PRDM5: variants seen among roughly 807,000 people sequenced by gnomAD.
PRDM5 encodes PR/SET domain 5, also known as PR domain zinc finger protein 5.
Under a neutral mutation model 81.2 loss-of-function variants are expected in PRDM5, and 56 were observed. That is an observed-to-expected ratio of 0.69 (90% CI 0.56 to 0.86). The LOEUF (loss-of-function observed/expected upper bound fraction) is 0.86. PRDM5 is among the 40% of genes least tolerant of loss of function. The pLI is 0.00. For missense variants in PRDM5, 697 were observed against 770.1 expected, an observed-to-expected ratio of 0.91 and a Z score of 1.12; for synonymous variants, 267 against 256.4, an observed-to-expected ratio of 1.04 and a Z score of -0.39.
intron 2 of PRDM5, among the ~76,000 whole-genome samples, chr4:120,860,855 T>C (rs75872214): frequency 6.6e-6 from 1 of 152,080 alleles, no homozygotes; most frequent in East Asian, 1.9e-4. Flanking sequence ...GGCCAGCATG[T>C]CTTCTGACAG....
intron 14 of PRDM5, among the ~76,000 whole-genome samples, chr4:120,750,860 G>GA (rs1743903485): frequency 6.6e-6 from 1 of 151,820 alleles, no homozygotes; most frequent in Admixed American, 6.6e-5. Context: ...AAATACCAAA[G>GA]AAAGAATTTA....
intron 13 of PRDM5, among the ~76,000 whole-genome samples, chr4:120,768,661 C>G (rs1746766639): frequency 6.6e-6 from 1 of 152,170 alleles, no homozygotes; most frequent in African/African-American, 2.4e-5. Context: ...TATTCCAGCT[C>G]CAATAGCACA....
chr4:120,716,186 GATTA>G (rs554976982), intron 14 of PRDM5, among the ~76,000 whole-genome samples: 96 of 152,242 alleles, frequency 6.3e-4, no homozygotes, highest in African/African-American at 2.1e-3. Flanking sequence ...TGCTATTGCT[GATTA>G]ATTTAATATA....
intron 5 of PRDM5, 100 bp downstream of exon 5, chr4:120,818,253 C>T (rs182184514): frequency 2.1e-5 from 25 of 1,204,400 alleles, no homozygotes; most frequent in African/African-American, 3.0e-5. Flanking sequence ...CGCGTGCGCG[C>T]GTGCACACAC....
intron 4 of PRDM5, among the ~76,000 whole-genome samples, chr4:120,820,883 C>T (rs1755165336): frequency 6.6e-6 from 1 of 152,192 alleles, no homozygotes; most frequent in South Asian, 2.1e-4. Flanking sequence ...CTACTCATTA[C>T]CCCAATGCGC....
rs1470307200 is a variant in PRDM5 at position 120,692,599 on chromosome 4, G to A, written c.*2512C>T. 1 of 152,054 alleles carries A rather than the reference G, an allele frequency of 6.6e-6. No homozygotes were observed. 9.4% of individuals were successfully genotyped at this position (152,054 alleles called of 1,614,324 possible). On this transcript the variant is annotated 3_prime_UTR_variant, in exon 16 of 16. Transcript: ENST00000264808. ...TGAGTGTTAATATACTAAGAAGACA[G>A]TTATTATAAAAGGGTATCTGAACCC...
chr4:120,836,173 G>A (rs1274408406), intron 3 of PRDM5, among the ~76,000 whole-genome samples: 1 of 152,104 alleles, frequency 6.6e-6, no homozygotes, highest in Non-Finnish European at 1.5e-5. Flanking sequence ...GAAACAGGTA[G>A]GAGATTTGTT....
chr4:120,856,046 A>T (rs1759841443), intron 2 of PRDM5, among the ~76,000 whole-genome samples: 1 of 152,188 alleles, frequency 6.6e-6, no homozygotes, highest in Non-Finnish European at 1.5e-5. Flanking sequence ...AGTTTTTACC[A>T]GGGGCATTGT....
intron 15 of PRDM5, among the ~76,000 whole-genome samples, chr4:120,706,188 T>C (rs556094711): frequency 2.8e-5 from 4 of 142,612 alleles, no homozygotes; most frequent in Admixed American, 7.0e-5. Context: ...AACTCTAGAA[T>C]CTTGACTGCT....
chr4:120,853,299 T>A, intron 3 of PRDM5, 119 bp downstream of exon 3: 1 of 1,451,212 alleles, frequency 6.9e-7, no homozygotes, highest in Admixed American at 1.7e-5. Flanking sequence ...TCTGCTTTTA[T>A]GAGTTACTGT....
intron 11 of PRDM5, among the ~76,000 whole-genome samples, chr4:120,782,777 T>A (rs1354528054): frequency 6.6e-6 from 1 of 152,114 alleles, no homozygotes; most frequent in Non-Finnish European, 1.5e-5. Context: ...TAAACATTAA[T>A]GTTAATATCA....
intron 3 of PRDM5, among the ~76,000 whole-genome samples, chr4:120,825,190 G>C (rs1400157953): frequency 2.0e-5 from 3 of 152,108 alleles, no homozygotes; most frequent in Non-Finnish European, 4.4e-5. Flanking sequence ...GAAAATAGTA[G>C]TGCCTATCTC....
chr4:120,776,313 T>C (rs1038425435), intron 13 of PRDM5, among the ~76,000 whole-genome samples: 4 of 152,178 alleles, frequency 2.6e-5, no homozygotes, highest in Admixed American at 6.6e-5. Context: ...CCTCCACCTA[T>C]ATCTAATATT....
chr4:120,765,422 T>C (rs1287967511), intron 13 of PRDM5, among the ~76,000 whole-genome samples: 1 of 152,198 alleles, frequency 6.6e-6, no homozygotes, highest in Admixed American at 6.5e-5. Flanking sequence ...GAACAACTGA[T>C]GGAATTCATG....
intron 3 of PRDM5, among the ~76,000 whole-genome samples, chr4:120,825,594 C>T (rs746090538): frequency 1.1e-4 from 16 of 152,166 alleles, no homozygotes; most frequent in Non-Finnish European, 2.4e-4. Context: ...TGCTACAGTC[C>T]TCATCGAGTC....
rs1387705836 is a variant in PRDM5 at position 120,816,592 on chromosome 4, A to G, written c.744-18T>C. 10 of 1,613,872 alleles carry G rather than the reference A, an allele frequency of 6.2e-6. No homozygotes were observed. Among genetic ancestry groups the G allele is most frequent in the East Asian group, 4.5e-5 (2 of 44,890 alleles). On this transcript the variant is annotated intron_variant, in intron 6 of 15. Transcript: ENST00000264808. ...GCTCAAAACTACAAGACAACCAGCA[A>G]AGCGGAACAGGAAGAAATGGTGAAG...
chr4:120,689,431 C>T (rs2148977198), downstream of PRDM5, among the ~76,000 whole-genome samples: 1 of 151,578 alleles, frequency 6.6e-6, no homozygotes, highest in South Asian at 2.1e-4. Flanking sequence ...CTGGATAAAG[C>T]TATGCACTGT....
chr4:120,814,805 T>C (rs1046635617), intron 7 of PRDM5, among the ~76,000 whole-genome samples: 1 of 152,212 alleles, frequency 6.6e-6, no homozygotes, highest in Non-Finnish European at 1.5e-5. Context: ...TGACATCATG[T>C]ACCAACCCCA....
chr4:120,801,596 T>A (rs773204739), intron 8 of PRDM5, among the ~76,000 whole-genome samples: 1 of 152,234 alleles, frequency 6.6e-6, no homozygotes, highest in South Asian at 2.1e-4. Flanking sequence ...CCCGCTTAGA[T>A]GCAATGGCAT....
Sources: allele counts gnomAD v4.1 joint callset (sites outside exome capture counted in the v4.1 genomes callset), GRCh38; gene constraint gnomAD v4.1.1; transcripts MANE v1.5; gene names NCBI Gene and HGNC (gene_info 2026-07-23, HGNC 2026-07-21).